The following SHANK2 variants were observed in gnomAD, a reference collection of about 807,000 sequenced individuals.
SHANK2 encodes the protein SH3 and multiple ankyrin repeat domains protein 2.
In SHANK2, 43 loss-of-function variants were observed where a neutral mutation model predicts 133.7. The ratio of observed to expected loss-of-function variants is 0.32; its 90% CI spans 0.25 to 0.41. The LOEUF (loss-of-function observed/expected upper bound fraction) is 0.41, where lower values mean the gene tolerates loss of function less well. SHANK2 is among the 10% of genes least tolerant of loss of function. The pLI is 1.00. For missense variants in SHANK2, 1,994 were observed against 2,235.8 expected (o/e 0.89, Z 2.18); for synonymous variants, 1,017 against 952.8 (o/e 1.07, Z -1.24).
At chr11:70,664,351 T>C (rs1944639934) in intron 15 of SHANK2, among the ~76,000 whole-genome samples, 1 of 152,172 alleles carries the variant, frequency 6.6e-6, no homozygotes, top group Non-Finnish European at 1.5e-5. Flanking sequence ...CCTGTGTGTC[T>C]CCTGTGTCTC....
chr11:70,557,149 CTCATTCATTCATTCATTCAT>C (rs56238037), intron 17 of SHANK2, among the ~76,000 whole-genome samples: 2 of 150,792 alleles, frequency 1.3e-5, no homozygotes, highest in Non-Finnish European at 2.9e-5. Context: ...CACTAAAAGC[CTCATTCATTCATTCATTCAT>C]TCATTCATTC....
chr11:70,753,173 TAAA>T (rs201365664), intron 14 of SHANK2, among the ~76,000 whole-genome samples: 1 of 121,616 alleles, frequency 8.2e-6, no homozygotes, highest in Non-Finnish European at 1.8e-5. Context: ...ACAGAACTGT[TAAA>T]AAAAAAAAAA....
chr11:70,744,990 G>A (rs1466816206), intron 14 of SHANK2, among the ~76,000 whole-genome samples: 1 of 152,204 alleles, frequency 6.6e-6, no homozygotes, highest in South Asian at 2.1e-4. Context: ...CAGACACCAC[G>A]GGGGACACCG....
At chr11:70,578,158 T>G (rs1353652524) in intron 17 of SHANK2, among the ~76,000 whole-genome samples, 1 of 152,180 alleles carries the variant, frequency 6.6e-6, no homozygotes, top group Non-Finnish European at 1.5e-5. Flanking sequence ...TCTCATACAC[T>G]GTACTCTCGC....
rs955892299 is a variant in SHANK2 at position 71,085,359 on chromosome 11, G to A, written c.912+7063C>T. On this transcript the variant is annotated intron_variant, in intron 8 of 25. Transcript: ENST00000601538. ...TAATCCCAGGTACTTGGGAGGCTGA[G>A]GCAAGAGAATTGCTTGAACTCAGGA... Among the ~76,000 whole-genome samples the A allele has an allele frequency of 5.2e-3, 773 of 149,116 alleles. 8 individuals carry two copies. Among genetic ancestry groups the A allele is most frequent in the African/African-American group, 0.018 (734 of 40,264 alleles).
Position 70,795,530 on chromosome 11 carries a change from C to T in SHANK2, c.1777+2913G>A, listed in dbSNP as rs186813656. ...AAGCAATTTTCCTGCCTCAGCCTCC[C>T]GAGGAGCTGGGACTACAGGTGCATG... is the stretch of plus-strand genomic sequence containing the variant. On this transcript the variant is annotated intron_variant, in intron 14 of 25. Transcript: ENST00000601538. Among the ~76,000 whole-genome samples, 338 of 152,014 alleles carry T rather than the reference C, an allele frequency of 2.2e-3. 1 individual carries two copies. Among genetic ancestry groups the T allele is most frequent in the African/African-American group, 7.9e-3 (329 of 41,476 alleles).
intron 17 of SHANK2, among the ~76,000 whole-genome samples, chr11:70,640,363 C>A (rs1409157081): frequency 1.3e-5 from 2 of 152,272 alleles, no homozygotes; most frequent in South Asian, 2.1e-4. Flanking sequence ...AGCGACGCAG[C>A]CATGAGCCAA....
At chr11:70,651,879 G>C (rs1358250032) in intron 17 of SHANK2, among the ~76,000 whole-genome samples, 1 of 152,222 alleles carries the variant, frequency 6.6e-6, no homozygotes, top group Non-Finnish European at 1.5e-5. Context: ...CTAAATAAGA[G>C]TGGAAGAAAT....
intron 14 of SHANK2, among the ~76,000 whole-genome samples, chr11:70,746,552 C>A (rs1386650326): frequency 6.6e-6 from 1 of 151,912 alleles, no homozygotes; most frequent in African/African-American, 2.4e-5. Flanking sequence ...CACTCTCCCG[C>A]TTCTCCAGGA....
intron 17 of SHANK2, among the ~76,000 whole-genome samples, chr11:70,523,491 G>A (rs782412379): frequency 1.3e-4 from 20 of 152,160 alleles, no homozygotes; most frequent in African/African-American, 2.9e-4. Flanking sequence ...GCCTGAGGAC[G>A]GGTGTGTGAC....
chr11:71,112,804 T>G (rs1272110692), intron 5 of SHANK2, among the ~76,000 whole-genome samples: 4 of 146,828 alleles, frequency 2.7e-5, no homozygotes, highest in Non-Finnish European at 4.5e-5. Context: ...TATCTGGGAC[T>G]CTGAGCTCAA....
At chr11:70,544,508 G>A (rs2059664250) in intron 17 of SHANK2, among the ~76,000 whole-genome samples, 1 of 152,208 alleles carries the variant, frequency 6.6e-6, no homozygotes, top group African/African-American at 2.4e-5. Flanking sequence ...GGGCCGTGCA[G>A]TGTGTATGGT....
chr11:70,890,327 A>C lies in SHANK2; in HGVS notation c.1174+6174T>G, dbSNP rs547609841. Among the ~76,000 whole-genome samples the C allele has an allele frequency of 1.9e-3, 295 of 152,076 alleles. 2 individuals carry two copies. The highest frequency in any genetic ancestry group is 6.5e-3 in the African/African-American group (270 of 41,492). On this transcript the variant is annotated intron_variant, in intron 11 of 25. Transcript: ENST00000601538. ...AAGACCAGCCTGGCCAATATGGTGA[A>C]ACCCCGTCTCTACTAAGAATAGAAA...
intron 17 of SHANK2, among the ~76,000 whole-genome samples, chr11:70,654,700 G>A (rs540556875): frequency 2.1e-5 from 3 of 144,472 alleles, no homozygotes; most frequent in East Asian, 4.1e-4. Flanking sequence ...TATTAGCCCC[G>A]CCCCCTCCCT....
intron 10 of SHANK2, among the ~76,000 whole-genome samples, chr11:70,901,693 C>T (rs576074064): frequency 2.9e-4 from 44 of 152,158 alleles, no homozygotes; most frequent in Admixed American, 2.6e-3. Flanking sequence ...GAGCCCCTTA[C>T]CCCCACAGGA....
chr11:70,724,108 T>G (rs1555029953), intron 14 of SHANK2, among the ~76,000 whole-genome samples: 1 of 151,816 alleles, frequency 6.6e-6, no homozygotes, highest in Non-Finnish European at 1.5e-5. Flanking sequence ...TGATCTTGGT[T>G]CAATGCAACC....
At chr11:70,891,590 G>C (rs1294303671) in intron 11 of SHANK2, among the ~76,000 whole-genome samples, 9 of 152,194 alleles carry the variant, frequency 5.9e-5, no homozygotes, top group African/African-American at 2.2e-4. Flanking sequence ...TGTTGGCAGG[G>C]CTGGTTCCTT....
At chr11:70,710,207 C>T (rs1174128718) in intron 14 of SHANK2, among the ~76,000 whole-genome samples, 6 of 152,188 alleles carry the variant, frequency 3.9e-5, no homozygotes, top group African/African-American at 1.2e-4. Context: ...TCTCCCCACA[C>T]CTGGGGGCTG....
At chr11:70,886,392 G>A (rs1949747052) in intron 11 of SHANK2, among the ~76,000 whole-genome samples, 1 of 152,134 alleles carries the variant, frequency 6.6e-6, no homozygotes, top group Non-Finnish European at 1.5e-5. Context: ...GCACAGGAGG[G>A]GACTCAATAA....
Sources: allele counts gnomAD v4.1 joint callset (sites outside exome capture counted in the v4.1 genomes callset), GRCh38; gene constraint gnomAD v4.1.1; transcripts MANE v1.5; gene names NCBI Gene and HGNC (gene_info 2026-07-23, HGNC 2026-07-21).